Variants in YTHDF3 observed in about 807,000 individuals in gnomAD.
YTHDF3 encodes the protein YTH domain-containing family protein 3.
Under a neutral mutation model 52.5 loss-of-function variants are expected in YTHDF3, and 9 were observed. That is an observed-to-expected ratio of 0.17 (90% CI 0.10 to 0.30). The LOEUF (loss-of-function observed/expected upper bound fraction) is 0.30, where lower values mean the gene tolerates loss of function less well. Ranked by LOEUF, YTHDF3 falls within the 10% of genes least tolerant of loss-of-function variation. The pLI is 1.00. For synonymous variants in YTHDF3, 274 were observed against 243.3 expected (o/e 1.13, Z -1.18); for missense variants, 534 against 715.0 (o/e 0.75, Z 2.89).
intron 1 of YTHDF3, chr8:63,169,108 G>T (rs1030706371): frequency 5.8e-6 from 8 of 1,384,118 alleles, no homozygotes; most frequent in African/African-American, 3.1e-5. Context: ...CGCGGCGGGT[G>T]GGGGCAAGGA....
chr8:63,204,087 C>G (rs2150398722), intron 4 of YTHDF3, among the ~76,000 whole-genome samples: 1 of 152,278 alleles, frequency 6.6e-6, no homozygotes. Flanking sequence ...AGAGGAATAT[C>G]AAAGACTTTG....
intron 2 of YTHDF3, chr8:63,172,636 T>A: frequency 2.2e-6 from 1 of 454,986 alleles, no homozygotes; most frequent in Non-Finnish European, 3.6e-6. Context: ...TATATGGTAT[T>A]GTCGCTGTTT....
intron 4 of YTHDF3, among the ~76,000 whole-genome samples, chr8:63,207,858 A>G (rs1335898911): frequency 6.6e-6 from 1 of 152,082 alleles, no homozygotes; most frequent in Non-Finnish European, 1.5e-5. Flanking sequence ...TAATTTCTCT[A>G]TGTATTTTGT....
At chr8:63,189,809 T>C (rs554453967) in intron 4 of YTHDF3, among the ~76,000 whole-genome samples, 2 of 152,348 alleles carry the variant, frequency 1.3e-5, no homozygotes, top group South Asian at 2.1e-4. Flanking sequence ...GTGCTAGTTA[T>C]TGATTGCTGT....
intron 4 of YTHDF3, among the ~76,000 whole-genome samples, chr8:63,200,798 A>G (rs1204194879): frequency 6.6e-6 from 1 of 152,202 alleles, no homozygotes; most frequent in Non-Finnish European, 1.5e-5. Context: ...TGGGAGTTTC[A>G]GGGTGTCAAG....
At chr8:63,190,054 G>A (rs531905730) in intron 4 of YTHDF3, among the ~76,000 whole-genome samples, 6 of 152,308 alleles carry the variant, frequency 3.9e-5, no homozygotes, top group African/African-American at 1.4e-4. Context: ...TTTGAGGTAT[G>A]AAAGGTGGGA....
At chr8:63,181,781 A>G (rs1035607398) in intron 3 of YTHDF3, among the ~76,000 whole-genome samples, 6 of 152,212 alleles carry the variant, frequency 3.9e-5, no homozygotes, top group African/African-American at 9.7e-5. Flanking sequence ...CCAGCACAGT[A>G]TCTGGCACAT....
chr8:63,201,900 A>T (rs1452083389), intron 4 of YTHDF3, among the ~76,000 whole-genome samples: 1 of 152,240 alleles, frequency 6.6e-6, no homozygotes, highest in Non-Finnish European at 1.5e-5. Context: ...GCTTGACTTT[A>T]AGAGCCTCTG....
chr8:63,192,900 C>G (rs1809003294), intron 4 of YTHDF3, among the ~76,000 whole-genome samples: 1 of 149,652 alleles, frequency 6.7e-6, no homozygotes, highest in South Asian at 2.1e-4. Flanking sequence ...ATGTATTTAG[C>G]TGGAATTTCT....
At chr8:63,180,522 C>T (rs1303090397) in intron 3 of YTHDF3, among the ~76,000 whole-genome samples, 1 of 134,724 alleles carries the variant, frequency 7.4e-6, no homozygotes, top group African/African-American at 2.8e-5. Flanking sequence ...TCCTCACATC[C>T]CAGACGATGG....
At chr8:63,206,770 TC>T (rs1436732093) in intron 4 of YTHDF3, among the ~76,000 whole-genome samples, 34 of 152,290 alleles carry the variant, frequency 2.2e-4, no homozygotes, top group African/African-American at 7.9e-4. Flanking sequence ...CTCTAAAACT[TC>T]AGCTTTTAAG....
intron 4 of YTHDF3, among the ~76,000 whole-genome samples, chr8:63,193,717 C>T (rs1262954385): frequency 6.6e-6 from 1 of 151,962 alleles, no homozygotes; most frequent in East Asian, 1.9e-4. Context: ...AAACATGTAG[C>T]TAATAAGAAT....
At chr8:63,207,953 T>A (rs1810142019) in intron 4 of YTHDF3, among the ~76,000 whole-genome samples, 1 of 152,228 alleles carries the variant, frequency 6.6e-6, no homozygotes, top group South Asian at 2.1e-4. Flanking sequence ...TCTTTATGTT[T>A]CAACTGGTTT....
intron 4 of YTHDF3, among the ~76,000 whole-genome samples, chr8:63,201,204 G>A (rs562289284): frequency 1.5e-3 from 230 of 152,260 alleles, no homozygotes; most frequent in Non-Finnish European, 3.0e-3. Context: ...AAAAGTAAGA[G>A]AAATATCTAA....
chr8:63,172,698 G>A, intron 2 of YTHDF3: 1 of 1,080,886 alleles, frequency 9.3e-7, no homozygotes, highest in Admixed American at 4.2e-5. Context: ...CTAACTTGAT[G>A]TAGTCAGGAC....
At chr8:63,188,795 C>T (rs9643559) in intron 4 of YTHDF3, 10,779 of 140,786 alleles carry the variant, frequency 0.077, 663 homozygotes, top group East Asian at 0.37. Context: ...CTCACTGCAA[C>T]GTCCGCCTCC....
intron 4 of YTHDF3, among the ~76,000 whole-genome samples, chr8:63,194,711 G>A (rs984289067): frequency 6.6e-6 from 1 of 152,106 alleles, no homozygotes; most frequent in Non-Finnish European, 1.5e-5. Flanking sequence ...TATTCTGTCA[G>A]ATGATCCATG....
rs1810431020 is a variant in YTHDF3 at position 63,212,781 on chromosome 8, C to G, written c.*3075C>G. 1 of 152,504 alleles carries G rather than the reference C, an allele frequency of 6.6e-6. No homozygotes were observed. Among genetic ancestry groups the G allele is most frequent in the Non-Finnish European group, 1.5e-5 (1 of 68,008 alleles). The allele number at this position is 152,504 out of a possible 1,614,324, so 9.4% of individuals were successfully genotyped here. A position where few individuals can be genotyped will look rare whatever the true frequency, so the allele number is the denominator to read the frequency against. ...TTTGAGGGTTTCAATAAAAATTGTT[C>G]ACTCATATCTGTGTTCTTTCCATTT... On this transcript the variant is annotated 3_prime_UTR_variant, in exon 5 of 5. Transcript: ENST00000539294.
rs1177320907 is a variant in YTHDF3, at chr8:63,173,630, G to A, written c.50-1701G>A. ...TTTTTTTCAAGAAGTAATAGACCAT[G>A]CATACTTACCTTTGATTTAGGAGCA... On this transcript the variant is annotated intron_variant, in intron 2 of 4. Coordinates refer to ENST00000539294, the MANE Select transcript of YTHDF3 (RefSeq NM_152758.6). 3.6e-5 allele frequency: 35 copies of A among 984,748 alleles called. 1 individual carries two copies. In the South Asian group the frequency reaches 1.3e-3, roughly 37 times the overall value. 61.0% of individuals were successfully genotyped at this position (984,748 alleles called of 1,614,324 possible).
Sources: allele counts gnomAD v4.1 joint callset (sites outside exome capture counted in the v4.1 genomes callset), GRCh38; gene constraint gnomAD v4.1.1; transcripts MANE v1.5; gene names NCBI Gene and HGNC (gene_info 2026-07-23, HGNC 2026-07-21).